SCNN1A: variants seen among roughly 807,000 people sequenced by gnomAD.
The protein encoded by SCNN1A is epithelial sodium channel subunit alpha.
In SCNN1A, 65 loss-of-function variants were observed where a neutral mutation model predicts 68.6. The ratio of observed to expected loss-of-function variants is 0.95; its 90% CI spans 0.78 to 1.16. The LOEUF (loss-of-function observed/expected upper bound fraction) is 1.16. SCNN1A is among the 50% of genes most tolerant of loss of function. The pLI is 0.00. For missense variants in SCNN1A, 880 were observed against 865.9 expected, an observed-to-expected ratio of 1.02 and a Z score of -0.20; for synonymous variants, 357 against 353.3, an observed-to-expected ratio of 1.01 and a Z score of -0.12.
chr12:6,349,472 G>T, intron 8 of SCNN1A, 67 bp from the exon 9 acceptor site: 1 of 1,162,210 alleles, frequency 8.6e-7, no homozygotes, highest in Non-Finnish European at 1.3e-6. Context: ...CACCCAAGAG[G>T]TCTCCCAAGA....
chr12:6,369,292 ACT>A (rs1948737127), intron 2 of SCNN1A, among the ~76,000 whole-genome samples: 1 of 143,266 alleles, frequency 7.0e-6, no homozygotes, highest in African/African-American at 2.6e-5. Context: ...CTGCCACCCT[ACT>A]CACCTCCCTC....
Position 6,362,244 on chromosome 12 carries a change from G to A in SCNN1A, c.685-3C>T. The A allele has an allele frequency of 6.2e-7, 1 of 1,613,926 alleles. No individual in the cohort carries two copies. Among genetic ancestry groups the A allele is most frequent in the Non-Finnish European group, 8.5e-7 (1 of 1,179,776 alleles). On this transcript the variant is annotated splice_region_variant and splice_polypyrimidine_tract_variant and intron_variant, in intron 3 of 12. Coordinates refer to ENST00000228916, the MANE Select transcript of SCNN1A (RefSeq NM_001038.6). ...CAGTCCGATTTGTTCTGGTTGCACT[G>A]GACACAGAGACTAGAGTCAGAGGGG...
chr12:6,349,256 G>C lies in SCNN1A; in HGVS notation c.1440-35C>G, dbSNP rs780154958. 12 of 1,613,806 alleles carry C rather than the reference G, an allele frequency of 7.4e-6. No homozygotes were observed. The East Asian group carries it at 1.6e-4, about 21-fold the overall frequency. The stretch of plus-strand genomic sequence containing the variant: ...GAGAAAGGTGCTCAGTGTTGGGGCA[G>C]AGCTCTCCCAAATGCTTGGCTCGGT... On this transcript the variant is annotated intron_variant, in intron 9 of 12. Coordinates refer to ENST00000228916, the MANE Select transcript of SCNN1A (RefSeq NM_001038.6).
intron 4 of SCNN1A, chr12:6,356,358 T>C (rs930305363): frequency 3.2e-5 from 7 of 218,646 alleles, no homozygotes; most frequent in Non-Finnish European, 1.9e-5. Context: ...CATTCATCTC[T>C]GTGTCATCTC....
intron 1 of SCNN1A, 143 bp downstream of exon 1, chr12:6,375,362 T>A: frequency 1.4e-6 from 2 of 1,456,100 alleles, no homozygotes; most frequent in Non-Finnish European, 1.8e-6. Context: ...CCTCGAGCTG[T>A]GTCCTGATTC....
In SCNN1A at chr12:6,374,338, A is replaced by C; in HGVS notation, c.416+30T>G. On this transcript the variant is annotated intron_variant, in intron 2 of 12. Coordinates refer to ENST00000228916, the MANE Select transcript of SCNN1A (RefSeq NM_001038.6). The surrounding 1 kb of genome is among the most constrained non-coding windows in gnomAD (Gnocchi z 6.2). Reference sequence around the variant, plus strand: ...CTGGACCACCCTTCCAGGCGCAGGCACCAGGGAAGGGGCAGAGGGACTAAC... The same window carrying C: ...CTGGACCACCCTTCCAGGCGCAGGCCCCAGGGAAGGGGCAGAGGGACTAAC... 6.2e-7 allele frequency: 1 copy of C among 1,611,030 alleles called. No individual in the cohort carries two copies. Among genetic ancestry groups the C allele is most frequent in the Non-Finnish European group, 8.5e-7 (1 of 1,177,574 alleles).
intron 2 of SCNN1A, among the ~76,000 whole-genome samples, chr12:6,364,582 C>T (rs528110832): frequency 3.2e-4 from 49 of 151,904 alleles, no homozygotes; most frequent in African/African-American, 1.1e-3. Context: ...GGTGAAACCC[C>T]GTCTTTACTA....
rs1017773901 is a variant in SCNN1A, at chr12:6,351,673, G to A, written c.1361-2268C>T. On this transcript the variant is annotated intron_variant, in intron 8 of 12. Coordinates refer to ENST00000228916, the MANE Select transcript of SCNN1A (RefSeq NM_001038.6). This position sits in a 1 kb window ranked among gnomAD's most constrained non-coding sequence, Gnocchi z 4.2. ...GATTCAGAATAGGCAAATCCATAGA[G>A]AGAGAAAGAAAGAATCGTGGTTGCC... 1.3e-5 allele frequency among the ~76,000 whole-genome samples: 2 copies of A among 152,028 alleles called. No individual in the cohort carries two copies. Among genetic ancestry groups the A allele is most frequent in the Admixed American group, 6.6e-5 (1 of 15,252 alleles).
rs189376498 is a variant in SCNN1A at position 6,355,352 on chromosome 12, C to T, written c.1063G>A (p.Gly355Arg). The T allele has an allele frequency of 5.3e-5, 85 of 1,613,884 alleles. No individual in the cohort carries two copies. Among genetic ancestry groups the T allele is most frequent in the East Asian group, 3.6e-4 (16 of 44,866 alleles). Residue 355 changes from glycine (G) to arginine (R), a missense_variant, in exon 6 of 13, where the codon GGG becomes AGG. This residue lies in a region of SCNN1A where 758 missense variants were observed against 721.8 expected (regional missense o/e 1.05). Transcript: ENST00000228916. ...TCCATAAAGGCAGGTTCATCCTGCC[C>T]GTGCACCATTACCCGGGCCCCAGTC... ...TVTGARVMVHGQDEPAFMDDG... is the reference protein window; with the variant it reads ...TVTGARVMVHRQDEPAFMDDG...
intron 3 of SCNN1A, 75 bp downstream of exon 3, chr12:6,363,368 G>C (rs1948613986): frequency 7.4e-7 from 1 of 1,353,414 alleles, no homozygotes; most frequent in Non-Finnish European, 9.8e-7. Context: ...GTCAGGAAAG[G>C]AGCGGAGCCC....
In SCNN1A at chr12:6,349,368, T is replaced by C; in HGVS notation, c.1398A>G (p.Ser466=). 1 of 1,609,770 alleles carries C rather than the reference T, an allele frequency of 6.2e-7. No homozygotes were observed. The highest frequency in any genetic ancestry group is 8.5e-7 in the Non-Finnish European group (1 of 1,177,796). Residue 466 remains serine (S), a synonymous_variant, in exon 9 of 13, where the codon TCA becomes TCG. Transcript: ENST00000228916. ...ACTTGGTGAAACAGCCCAGGTGGTC[T>C]GAGGAGAAGTCAACCTGGAGCTTAT... is the stretch of plus-strand genomic sequence containing the variant. ...CYYKLQVDFS[S]DHLGCFTKCR...
intron 2 of SCNN1A, among the ~76,000 whole-genome samples, chr12:6,371,066 T>C (rs1378649712): frequency 6.6e-6 from 1 of 152,182 alleles, no homozygotes; most frequent in African/African-American, 2.4e-5. Context: ...AGGTCTTCAG[T>C]GCTTTGTCCC....
At position 6,374,522 on chromosome 12, in the gene SCNN1A, C is replaced by T. The variant is rs778268845; in HGVS notation, c.262G>A (p.Ala88Thr). The T allele has an allele frequency of 6.2e-7, 1 of 1,614,198 alleles. No homozygotes were observed. The highest frequency in any genetic ancestry group is 1.1e-5 in the South Asian group (1 of 91,082). The change falls in exon 2 of 13, where the codon GCA becomes ACA. Residue 88 changes from alanine (A) to threonine (T), a missense_variant. By Grantham distance (58) the Ala-to-Thr change is moderately conservative (BLOSUM62 0). This residue lies in a region of SCNN1A where 45 missense variants were observed against 76.7 expected (regional missense o/e 0.59). Coordinates refer to ENST00000228916, the MANE Select transcript of SCNN1A (RefSeq NM_001038.6). This position sits in a 1 kb window ranked among gnomAD's most constrained non-coding sequence, Gnocchi z 6.2. ...CCAAAGGTGCAGAGCCACAGCACTG[C>T]CCAGAAGGCCGTCTTCATGCGGTTG... ...QHNRMKTAFW[A>T]VLWLCTFGMM... is the part of the protein sequence containing the mutation.
upstream of SCNN1A, among the ~76,000 whole-genome samples, chr12:6,376,718 G>A (rs1948917442): frequency 6.6e-6 from 1 of 152,170 alleles, no homozygotes; most frequent in African/African-American, 2.4e-5. Context: ...GGAGACTCGG[G>A]AGAGCCACCC....
Position 6,363,436 on chromosome 12 carries a change from G to GTGGAAGGCTT in SCNN1A, c.684+6_684+7insAAGCCTTCCA. 1.3e-6 allele frequency: 2 copies of GTGGAAGGCTT among 1,558,566 alleles called. No homozygotes were observed. Among genetic ancestry groups the GTGGAAGGCTT allele is most frequent in the Admixed American group, 3.8e-5 (2 of 52,114 alleles). On this transcript the variant is annotated splice_region_variant and intron_variant, in intron 3 of 12. Coordinates refer to ENST00000228916, the MANE Select transcript of SCNN1A (RefSeq NM_001038.6). ...CGGGGCGGGCCCCTCGGCGCTGCGGGCCTCACCAGCTGGAAGCCGATCTTC... is the reference window on the plus strand; with the variant it reads ...CGGGGCGGGCCCCTCGGCGCTGCGGGTGGAAGGCTTCCTCACCAGCTGGAAGCCGATCTTC...
intron 8 of SCNN1A, 112 bp downstream of exon 8, chr12:6,354,326 C>A (rs1463355440): frequency 1.0e-5 from 8 of 761,952 alleles, no homozygotes; most frequent in Admixed American, 1.7e-5. Flanking sequence ...AAGGATTCAT[C>A]CCAGCAGGTG....
In SCNN1A at chr12:6,374,866, G is replaced by A. The variant is rs758781865; in HGVS notation, c.-54-29C>T. 1.2e-5 allele frequency: 20 copies of A among 1,613,974 alleles called. No individual in the cohort carries two copies. In the African/African-American group the frequency reaches 1.5e-4, roughly 12 times the overall value. On this transcript the variant is annotated intron_variant, in intron 1 of 12. Coordinates refer to ENST00000228916, the MANE Select transcript of SCNN1A (RefSeq NM_001038.6). This position sits in a 1 kb window ranked among gnomAD's most constrained non-coding sequence, Gnocchi z 6.2. ...CATGAGCCCCGGAGTGGATTGGGGA[G>A]AGCAAGGGTCAGGGTCAAGGCTGAG...
At chr12:6,353,505 A>G (rs553145312) in intron 8 of SCNN1A, among the ~76,000 whole-genome samples, 107 of 152,258 alleles carry the variant, frequency 7.0e-4, no homozygotes, top group African/African-American at 2.5e-3. Flanking sequence ...CTTAGGAGCC[A>G]TTGAGGAACC....
rs552349947 is a variant in SCNN1A, at chr12:6,364,499, T to C, written c.417-789A>G. On this transcript the variant is annotated intron_variant, in intron 2 of 12. Coordinates refer to ENST00000228916, the MANE Select transcript of SCNN1A (RefSeq NM_001038.6). ...GGCCGGGTGTGGTGGCTCACGCCTGTAATCCCAGCATTTTGGGAGGCCGAG... is the reference window on the plus strand; with the variant it reads ...GGCCGGGTGTGGTGGCTCACGCCTGCAATCCCAGCATTTTGGGAGGCCGAG... 5.9e-5 allele frequency among the ~76,000 whole-genome samples: 9 copies of C among 152,206 alleles called. No individual in the cohort carries two copies. In the South Asian group the frequency reaches 1.2e-3, roughly 21 times the overall value.
Sources: allele counts gnomAD v4.1 joint callset (sites outside exome capture counted in the v4.1 genomes callset), GRCh38; gene constraint gnomAD v4.1.1; regional missense constraint gnomAD v4.1.1; non-coding constraint Gnocchi (gnomAD v3.1); transcripts MANE v1.5; gene names NCBI Gene and HGNC (gene_info 2026-07-23, HGNC 2026-07-21).